Variants in DRC5 observed in about 807,000 individuals in gnomAD.
DRC5 encodes T-complex-associated testis-expressed protein 1.
the DRC5 span, chr6:44,286,679 G>A: frequency 4.3e-6 from 3 of 690,164 alleles, no homozygotes; most frequent in African/African-American, 5.4e-5. Flanking sequence ...TCTCAGGGGG[G>A]CTCAAGCAGA....
At chr6:44,294,967 T>C in the DRC5 span, among the ~76,000 whole-genome samples, 1 of 152,068 alleles carries the variant, frequency 6.6e-6, no homozygotes. Context: ...GGTGGCACTA[T>C]CTTCCCTGGG....
chr6:44,296,683 G>T, the DRC5 span, among the ~76,000 whole-genome samples: 1 of 146,800 alleles, frequency 6.8e-6, no homozygotes, highest in Non-Finnish European at 1.5e-5. Flanking sequence ...TGGGCAGACA[G>T]CGCCTCTGTG....
the DRC5 span, among the ~76,000 whole-genome samples, chr6:44,296,697 G>A: frequency 6.8e-6 from 1 of 147,702 alleles, no homozygotes; most frequent in Non-Finnish European, 1.5e-5. Flanking sequence ...CTCTGTGCCC[G>A]GGACACTTCC....
chr6:44,294,935 C>A, the DRC5 span, among the ~76,000 whole-genome samples: 1 of 152,266 alleles, frequency 6.6e-6, no homozygotes, highest in East Asian at 1.9e-4. Context: ...CAGTCATCAG[C>A]CTGCAGCTGA....
the DRC5 span, among the ~76,000 whole-genome samples, chr6:44,291,716 G>A: frequency 2.6e-5 from 4 of 152,186 alleles, no homozygotes; most frequent in Non-Finnish European, 5.9e-5. Flanking sequence ...TCCCAGCTGT[G>A]ACATCCCAGG....
At chr6:44,280,264 C>T in the DRC5 span, 1 of 1,614,208 alleles carries the variant, frequency 6.2e-7, no homozygotes, top group Non-Finnish European at 8.5e-7. Context: ...CGGGCTGCTT[C>T]TCGGTTTGCG....
chr6:44,286,639 T>G, the DRC5 span: 1 of 972,798 alleles, frequency 1.0e-6, no homozygotes, highest in Non-Finnish European at 1.5e-6. Context: ...GGAGAGACCC[T>G]TCCCTGCTTA....
chr6:44,296,196 T>C, the DRC5 span, among the ~76,000 whole-genome samples: 2 of 152,236 alleles, frequency 1.3e-5, no homozygotes, highest in African/African-American at 2.4e-5. Context: ...GGGTTGCTTA[T>C]AAATTGCTCC....
At chr6:44,288,093 C>T in the DRC5 span, among the ~76,000 whole-genome samples, 1 of 151,998 alleles carries the variant, frequency 6.6e-6, no homozygotes, top group Non-Finnish European at 1.5e-5. Flanking sequence ...GATGTTGCCT[C>T]TGAGAAATGA....
chr6:44,279,949 T>C, the DRC5 span: 1 of 451,420 alleles, frequency 2.2e-6, no homozygotes, highest in Non-Finnish European at 4.0e-6. Context: ...GGGTGTCCAG[T>C]AATATCCTTT....
At chr6:44,285,329 T>TAACGCCACTCG in the DRC5 span, among the ~76,000 whole-genome samples, 1 of 152,234 alleles carries the variant, frequency 6.6e-6, no homozygotes, top group South Asian at 2.1e-4. Flanking sequence ...AAATTTCAGA[T>TAACGCCACTCG]AAATAAGAAC....
At chr6:44,288,447 C>A in the DRC5 span, among the ~76,000 whole-genome samples, 19 of 152,096 alleles carry the variant, frequency 1.2e-4, 1 homozygote, top group Non-Finnish European at 2.9e-5. Flanking sequence ...TTCAGTCTGT[C>A]AAATTCATGC....
chr6:44,281,591 G>A, the DRC5 span, among the ~76,000 whole-genome samples: 18 of 152,310 alleles, frequency 1.2e-4, no homozygotes, highest in African/African-American at 3.6e-4. Context: ...CACCATGTTG[G>A]CCAGACTGGT....
the DRC5 span, among the ~76,000 whole-genome samples, chr6:44,282,799 C>CTTTTTT: frequency 9.5e-6 from 1 of 105,240 alleles, no homozygotes. Flanking sequence ...CCTTTTTTAT[C>CTTTTTT]TTTTTTTTTT....
chr6:44,294,465 C>T, the DRC5 span, among the ~76,000 whole-genome samples: 8 of 151,882 alleles, frequency 5.3e-5, no homozygotes, highest in Non-Finnish European at 8.8e-5. Context: ...GCAAGGGAGG[C>T]GGGATATGGT....
the DRC5 span, among the ~76,000 whole-genome samples, chr6:44,290,419 G>T: frequency 6.6e-6 from 1 of 152,276 alleles, no homozygotes; most frequent in South Asian, 2.1e-4. Flanking sequence ...TACTATGAGG[G>T]GCAGGGGTCT....
chr6:44,284,301 C>T, the DRC5 span, among the ~76,000 whole-genome samples: 1 of 152,050 alleles, frequency 6.6e-6, no homozygotes, highest in Non-Finnish European at 1.5e-5. Context: ...TGCTCTGTGA[C>T]ACAATGCCAT....
At chr6:44,297,045 G>T in the DRC5 span, among the ~76,000 whole-genome samples, 2 of 152,262 alleles carry the variant, frequency 1.3e-5, no homozygotes, top group East Asian at 3.8e-4. Context: ...TCTCAAAAGT[G>T]ACTCCAGCGG....
chr6:44,287,709 C>T, the DRC5 span: 1 of 1,614,164 alleles, frequency 6.2e-7, no homozygotes, highest in Admixed American at 1.7e-5. Flanking sequence ...TGATTGAAGG[C>T]TTTGAGAGCT....
Sources: allele counts gnomAD v4.1 joint callset (sites outside exome capture counted in the v4.1 genomes callset), GRCh38; gene constraint gnomAD v4.1.1; transcripts MANE v1.5; gene names NCBI Gene and HGNC (gene_info 2026-07-23, HGNC 2026-07-21).